Variants in SLC25A13 observed in about 807,000 individuals in gnomAD.
SLC25A13 encodes the protein electrogenic aspartate/glutamate antiporter SLC25A13, mitochondrial.
A neutral mutation model predicts 85.5 loss-of-function variants in SLC25A13; 70 were observed. The ratio of observed to expected loss-of-function variants is 0.82; its 90% confidence interval spans 0.68 to 1.00. SLC25A13 has a LOEUF of 1.00. Ranked by LOEUF, SLC25A13 falls within the 50% of genes least tolerant of loss-of-function variation. The pLI, the probability that SLC25A13 is intolerant of heterozygous loss-of-function variation, is 0.00. For synonymous variants in SLC25A13, 259 were observed against 288.7 expected, an observed-to-expected ratio of 0.90 and a Z score of 1.04; for missense variants, 765 against 819.8, an observed-to-expected ratio of 0.93 and a Z score of 0.82.
At chr7:96,227,585 G>A (rs973439764) in intron 4 of SLC25A13, among the ~76,000 whole-genome samples, 14 of 152,150 alleles carry the variant, frequency 9.2e-5, no homozygotes, top group Non-Finnish European at 1.9e-4. Context: ...ATACAATAAT[G>A]TAAAAAGAAT....
chr7:96,127,485 G>T (rs182664171), intron 15 of SLC25A13, among the ~76,000 whole-genome samples: 115 of 152,224 alleles, frequency 7.6e-4, no homozygotes, highest in African/African-American at 2.6e-3. Context: ...TCTAGGTGAG[G>T]ATACCAATAA....
chr7:96,219,560 A>G (rs2116756100), intron 4 of SLC25A13: 2 of 374,296 alleles, frequency 5.3e-6, no homozygotes, highest in South Asian at 4.3e-5. Context: ...CATGAAAGAA[A>G]GCCATAAACT....
Position 96,322,090 on chromosome 7 carries a change from G to T in SLC25A13, c.-134C>A. 1 of 1,270,834 alleles carries T rather than the reference G, an allele frequency of 7.9e-7. No individual in the cohort carries two copies. The highest frequency in any genetic ancestry group is 2.5e-4 in the Middle Eastern group (1 of 3,942). The allele number at this position is 1,270,834 out of a possible 1,614,324, so 78.7% of individuals were successfully genotyped here. On this transcript the variant is annotated 5_prime_UTR_variant, in exon 1 of 18. Coordinates refer to ENST00000265631, the MANE Select transcript of SLC25A13 (RefSeq NM_014251.3). ...ATACGGCCAGGCAGCGTGCGTTCCT[G>T]GCCTGCCTCCCCACGCCCTCCCGCC...
At chr7:96,185,486 C>T (rs1458585353) in intron 9 of SLC25A13, among the ~76,000 whole-genome samples, 2 of 152,266 alleles carry the variant, frequency 1.3e-5, no homozygotes, top group East Asian at 3.9e-4. Flanking sequence ...GTAGTCTCAG[C>T]TACTCAGGCT....
intron 13 of SLC25A13, among the ~76,000 whole-genome samples, chr7:96,168,125 A>AAAAAAAAAAAAAAAAAC (rs1793843537): frequency 6.9e-6 from 1 of 145,198 alleles, no homozygotes; most frequent in Non-Finnish European, 1.5e-5. Flanking sequence ...AAAAAAAAAA[A>AAAAAAAAAAAAAAAAAC]AAAAGCACGT....
intron 2 of SLC25A13, among the ~76,000 whole-genome samples, chr7:96,295,548 T>G (rs1799313301): frequency 6.6e-6 from 1 of 152,124 alleles, no homozygotes; most frequent in Non-Finnish European, 1.5e-5. Flanking sequence ...TTTCAGTGTA[T>G]ATCTCTAAAA....
At chr7:96,127,422 T>C (rs1791774659) in intron 15 of SLC25A13, among the ~76,000 whole-genome samples, 1 of 152,166 alleles carries the variant, frequency 6.6e-6, no homozygotes. Context: ...AGTCCCAGTT[T>C]ATAACTAGAT....
At chr7:96,178,789 C>T (rs1362082608) in intron 11 of SLC25A13, among the ~76,000 whole-genome samples, 3 of 152,230 alleles carry the variant, frequency 2.0e-5, no homozygotes, top group Non-Finnish European at 4.4e-5. Context: ...TCCTCCTCCT[C>T]CCATTTGTCT....
At chr7:96,254,728 T>C (rs1797561059) in intron 3 of SLC25A13, among the ~76,000 whole-genome samples, 1 of 151,946 alleles carries the variant, frequency 6.6e-6, no homozygotes, top group Non-Finnish European at 1.5e-5. Flanking sequence ...TGGATACGAA[T>C]GGGGAAGGAA....
At position 96,121,307 on chromosome 7, in the gene SLC25A13, C is replaced by G; in HGVS notation, c.1912G>C (p.Gly638Arg). ...GTAGCAACTGCCAGTTTGTAGCCCC[C>G]AACGTGATCAGGATTCGGGGCAGGC... is the stretch of plus-strand genomic sequence containing the variant. ...NLPAPNPDHV[G>R]GYKLAVATFA... The change falls in exon 18 of 18, where the codon GGG becomes CGG. Residue 638 changes from glycine to arginine, a missense_variant. Gly to Arg is a moderately radical substitution (Grantham distance 125, BLOSUM62 -2). Coordinates refer to ENST00000265631, the MANE Select transcript of SLC25A13 (RefSeq NM_014251.3). The G allele has an allele frequency of 6.2e-7, 1 of 1,614,148 alleles. No homozygotes were observed. The highest frequency in any genetic ancestry group is 8.5e-7 in the Non-Finnish European group (1 of 1,180,024).
At chr7:96,284,664 T>C (rs1009992694) in intron 2 of SLC25A13, among the ~76,000 whole-genome samples, 3 of 152,230 alleles carry the variant, frequency 2.0e-5, no homozygotes, top group Admixed American at 2.0e-4. Flanking sequence ...CAGGTGGAGA[T>C]AACTGAATCA....
intron 4 of SLC25A13, among the ~76,000 whole-genome samples, chr7:96,215,730 T>G (rs748261850): frequency 3.8e-4 from 57 of 151,748 alleles, no homozygotes; most frequent in Middle Eastern, 3.2e-3. Context: ...TAGAAAAAAA[T>G]ATAGACATAA....
At chr7:96,167,748 A>G (rs1239035970) in intron 13 of SLC25A13, among the ~76,000 whole-genome samples, 1 of 152,146 alleles carries the variant, frequency 6.6e-6, no homozygotes, top group Non-Finnish European at 1.5e-5. Context: ...TGTGTGACTG[A>G]CTCCAATTAT....
At chr7:96,271,089 C>T (rs1172969521) in intron 3 of SLC25A13, among the ~76,000 whole-genome samples, 2 of 152,288 alleles carry the variant, frequency 1.3e-5, no homozygotes, top group East Asian at 3.9e-4. Context: ...TGCAAAGACC[C>T]TTTTTCCAAA....
At chr7:96,131,691 A>T in intron 15 of SLC25A13, 52 bp downstream of exon 15, 1 of 1,611,050 alleles carries the variant, frequency 6.2e-7, no homozygotes. Flanking sequence ...CAGCTAGGGA[A>T]GGGGGGCAGC....
Position 96,121,509 on chromosome 7 carries a change from T to C in SLC25A13, c.1842-132A>G, listed in dbSNP as rs530234643. 1.1e-5 allele frequency: 15 copies of C among 1,384,366 alleles called. No homozygotes were observed. In the African/African-American group the frequency reaches 2.1e-4, roughly 20 times the overall value. 85.8% of individuals were successfully genotyped at this position (1,384,366 alleles called of 1,614,324 possible). A position where few individuals can be genotyped will look rare whatever the true frequency, so the allele number is the denominator to read the frequency against. On this transcript the variant is annotated intron_variant, in intron 17 of 17. Transcript: ENST00000265631. ...CATTCTCATCAGTTGTATGTTCCCC[T>C]TGGAAATGACCTTGTTAACACAATT... is the stretch of plus-strand genomic sequence containing the variant.
intron 3 of SLC25A13, among the ~76,000 whole-genome samples, chr7:96,269,495 G>T (rs1554372610): frequency 6.6e-6 from 1 of 152,120 alleles, no homozygotes; most frequent in Non-Finnish European, 1.5e-5. Flanking sequence ...CTAGAAAAAG[G>T]TTTTTTTCCG....
chr7:96,224,261 A>G (rs1304273334), intron 4 of SLC25A13, among the ~76,000 whole-genome samples: 1 of 152,128 alleles, frequency 6.6e-6, no homozygotes, highest in Admixed American at 6.5e-5. Context: ...GCCCCACTCT[A>G]GTCAACTCAG....
intron 4 of SLC25A13, among the ~76,000 whole-genome samples, chr7:96,224,797 C>T (rs1584478808): frequency 1.3e-5 from 2 of 152,168 alleles, no homozygotes; most frequent in African/African-American, 2.4e-5. Context: ...CAGACTGAGA[C>T]CACAATGGGC....
Sources: gnomAD v4.1 joint callset for allele counts (sites outside exome capture counted in the v4.1 genomes callset) on GRCh38, gnomAD v4.1.1 for gene constraint, MANE v1.5 for transcripts, NCBI Gene and HGNC (gene_info 2026-07-23, HGNC 2026-07-21) for gene names.